RNF144A: variants seen among roughly 807,000 people sequenced by gnomAD.
RNF144A encodes ring finger protein 144A.
In RNF144A, 11 loss-of-function variants were observed where a neutral mutation model predicts 38.7. That is an observed-to-expected ratio of 0.28 (90% CI 0.18 to 0.47). The LOEUF (loss-of-function observed/expected upper bound fraction) is 0.47. Ranked by LOEUF, RNF144A falls within the 20% of genes least tolerant of loss-of-function variation. The pLI is 0.99. For missense variants in RNF144A, 316 were observed against 377.2 expected (o/e 0.84, Z 1.34); for synonymous variants, 149 against 143.9 (o/e 1.04, Z -0.25).
chr2:7,053,232 A>G (rs896204163), intron 6 of RNF144A, among the ~76,000 whole-genome samples: 31 of 152,352 alleles, frequency 2.0e-4, no homozygotes, highest in African/African-American at 7.5e-4. Context: ...TTAGTCGTAA[A>G]TGTAGACTCT....
intron 2 of RNF144A, among the ~76,000 whole-genome samples, chr2:6,996,396 G>A (rs2103390045): frequency 6.6e-6 from 1 of 152,304 alleles, no homozygotes; most frequent in South Asian, 2.1e-4. Context: ...GGAAGGATGG[G>A]TGTGTGGGTG....
chr2:6,951,546 A>T (rs1348182531), intron 2 of RNF144A, among the ~76,000 whole-genome samples: 1 of 152,212 alleles, frequency 6.6e-6, no homozygotes, highest in African/African-American at 2.4e-5. Flanking sequence ...TCTGTAGGTC[A>T]ATTTAGAAAG....
rs890725320 is a variant in RNF144A, at chr2:6,988,670, C to T, written c.-11-8246C>T. Among the ~76,000 whole-genome samples, 6 of 152,108 alleles carry T rather than the reference C, an allele frequency of 3.9e-5. No homozygotes were observed. In the East Asian group the frequency reaches 1.2e-3, roughly 29 times the overall value. On this transcript the variant is annotated intron_variant, in intron 2 of 8. Transcript: ENST00000320892. The stretch of plus-strand genomic sequence containing the variant: ...CGTCGGGGTCACCTCATTGAGGCAG[C>T]GTTTGTCCTTTTCACGTGTGTGAGC...
chr2:7,025,691 ATAAATAAAAC>A (rs1347399247), intron 7 of RNF144A, among the ~76,000 whole-genome samples: 4 of 152,212 alleles, frequency 2.6e-5, no homozygotes, highest in African/African-American at 9.6e-5. Flanking sequence ...AAATAAATAA[ATAAATAAAAC>A]TATAATTAAA....
Position 6,984,597 on chromosome 2 carries a change from C to T in RNF144A, c.-11-12319C>T, listed in dbSNP as rs114519495. 2.6e-3 allele frequency among the ~76,000 whole-genome samples: 391 copies of T among 152,356 alleles called. 1 individual carries two copies. Among genetic ancestry groups the T allele is most frequent in the African/African-American group, 8.9e-3 (372 of 41,584 alleles). ...AATTACAGGCGTGAGCCACCGCACT[C>T]GGCCCCAAGCTTCTTGAATGATTGG... On this transcript the variant is annotated intron_variant, in intron 2 of 8. Transcript: ENST00000320892.
In RNF144A at chr2:7,041,317, A is replaced by C. The variant is rs934632203; in HGVS notation, c.*1557A>C. On this transcript the variant is annotated 3_prime_UTR_variant, in exon 9 of 9. Coordinates refer to ENST00000320892, the MANE Select transcript of RNF144A (RefSeq NM_014746.6). ...TCCTAGTTTACTTTCCCTGGTTGGAAATTTATTTCTTATTTCCTAACATTG... is the reference window on the plus strand; with the variant it reads ...TCCTAGTTTACTTTCCCTGGTTGGACATTTATTTCTTATTTCCTAACATTG... 3 of 985,798 alleles carry C rather than the reference A, an allele frequency of 3.0e-6. No homozygotes were observed. Among genetic ancestry groups the C allele is most frequent in the Non-Finnish European group, 2.4e-6 (2 of 829,932 alleles). 61.1% of individuals were successfully genotyped at this position (985,798 alleles called of 1,614,324 possible).
intron 1 of RNF144A, among the ~76,000 whole-genome samples, chr2:6,937,813 G>A (rs1267741414): frequency 2.0e-5 from 3 of 152,214 alleles, no homozygotes; most frequent in Non-Finnish European, 4.4e-5. Flanking sequence ...TTTAGCTTGA[G>A]CAGCCTGGTC....
chr2:6,918,118 G>C (rs1664255795), intron 1 of RNF144A, among the ~76,000 whole-genome samples: 1 of 152,066 alleles, frequency 6.6e-6, no homozygotes. Flanking sequence ...CGACGCGTCC[G>C]GGGCATCGCC....
At chr2:6,949,736 C>A (rs968365794) in intron 2 of RNF144A, among the ~76,000 whole-genome samples, 61 of 152,166 alleles carry the variant, frequency 4.0e-4, no homozygotes, top group Non-Finnish European at 7.3e-5. Context: ...TTTCGGAATT[C>A]ATTCAGGATC....
chr2:6,948,989 C>T (rs1319804615), intron 2 of RNF144A, among the ~76,000 whole-genome samples: 1 of 152,180 alleles, frequency 6.6e-6, no homozygotes, highest in Non-Finnish European at 1.5e-5. Flanking sequence ...AGAGGAGAGG[C>T]ACCAGTGGGC....
rs554469722 is a variant in RNF144A, at chr2:6,956,996, C to A, written c.-12+15849C>A. ...GAGCAAAGTCTGGACTCTTCCTGAA[C>A]GTGTGAGGAAGCTCCTGGCCTGGCT... On this transcript the variant is annotated intron_variant, in intron 2 of 8. Coordinates refer to ENST00000320892, the MANE Select transcript of RNF144A (RefSeq NM_014746.6). 2.0e-5 allele frequency among the ~76,000 whole-genome samples: 3 copies of A among 152,298 alleles called. No homozygotes were observed. The South Asian group carries it at 6.2e-4, about 32-fold the overall frequency.
intron 2 of RNF144A, among the ~76,000 whole-genome samples, chr2:6,966,003 T>C (rs981035387): frequency 9.9e-5 from 15 of 152,208 alleles, no homozygotes; most frequent in African/African-American, 3.4e-4. Flanking sequence ...ACATTCAGCA[T>C]TGGGGAAGTT....
rs1028151067 is a variant in RNF144A, at chr2:7,040,377, G to T, written c.*617G>T. ...TTTCAGGAGATTTAGAAAGCCTTAT[G>T]CACTCTTTGTGTTTTTCTTGAAACT... is the stretch of plus-strand genomic sequence containing the variant. On this transcript the variant is annotated 3_prime_UTR_variant, in exon 9 of 9. Transcript: ENST00000320892. 5.1e-6 allele frequency: 5 copies of T among 985,312 alleles called. No homozygotes were observed. Among genetic ancestry groups the T allele is most frequent in the Non-Finnish European group, 6.0e-6 (5 of 829,944 alleles). The allele number at this position is 985,312 out of a possible 1,614,324, so 61.0% of individuals were successfully genotyped here. A position where few individuals can be genotyped will look rare whatever the true frequency, so the allele number is the denominator to read the frequency against.
intron 5 of RNF144A, among the ~76,000 whole-genome samples, chr2:7,015,281 A>G (rs1671063681): frequency 6.6e-6 from 1 of 152,220 alleles, no homozygotes; most frequent in Non-Finnish European, 1.5e-5. Context: ...TGAATAATCA[A>G]GTCCCTTATC....
chr2:6,976,861 G>T (rs1290354228), intron 2 of RNF144A, among the ~76,000 whole-genome samples: 1 of 151,926 alleles, frequency 6.6e-6, no homozygotes, highest in Non-Finnish European at 1.5e-5. Context: ...CCTGCAAAAT[G>T]TCATTCTATA....
At chr2:6,947,154 A>G (rs1270651407) in intron 2 of RNF144A, among the ~76,000 whole-genome samples, 4 of 152,170 alleles carry the variant, frequency 2.6e-5, no homozygotes, top group Non-Finnish European at 4.4e-5. Context: ...TATTATACAT[A>G]TAAGTAATAT....
chr2:6,968,806 ATCC>A (rs1236905294), intron 2 of RNF144A, among the ~76,000 whole-genome samples: 1 of 152,156 alleles, frequency 6.6e-6, no homozygotes, highest in Admixed American at 6.5e-5. Context: ...TCTTGGCATC[ATCC>A]TCCTCAAGCA....
intron 8 of RNF144A, among the ~76,000 whole-genome samples, chr2:7,038,231 G>A (rs182969508): frequency 1.6e-4 from 24 of 152,306 alleles, no homozygotes; most frequent in Admixed American, 5.9e-4. Context: ...TTTTCTCGTC[G>A]GAAATGCACT....
intron 2 of RNF144A, among the ~76,000 whole-genome samples, chr2:6,964,968 TAATA>T (rs1423840289): frequency 6.6e-6 from 1 of 151,916 alleles, no homozygotes; most frequent in African/African-American, 2.4e-5. Flanking sequence ...TAAAGTATAA[TAATA>T]ATAAAAATAA....
Sources: gnomAD v4.1 joint callset for allele counts (sites outside exome capture counted in the v4.1 genomes callset) on GRCh38, gnomAD v4.1.1 for gene constraint, MANE v1.5 for transcripts, NCBI Gene and HGNC (gene_info 2026-07-23, HGNC 2026-07-21) for gene names.